The following BCAS3 variants were observed in gnomAD, a reference collection of about 807,000 sequenced individuals.
The protein encoded by BCAS3 is BCAS3 microtubule associated cell migration factor, also known as BCAS4/BCAS3 fusion.
A neutral mutation model predicts 116.1 loss-of-function variants in BCAS3; 53 were observed. That is an observed-to-expected ratio of 0.46 (90% CI 0.37 to 0.57). BCAS3 has a LOEUF of 0.57. BCAS3 is among the 20% of genes least tolerant of loss of function. The pLI is 0.00. For missense variants in BCAS3, 917 were observed against 1,165.4 expected (o/e 0.79, Z 3.10); for synonymous variants, 391 against 408.2 (o/e 0.96, Z 0.51).
intron 7 of BCAS3, among the ~76,000 whole-genome samples, chr17:60,830,806 A>G (rs9903588): frequency 0.22 from 33,080 of 151,060 alleles, 4,678 homozygotes; most frequent in African/African-American, 0.41. Context: ...TAAGGTATTT[A>G]TCACAACTAC....
intron 22 of BCAS3, among the ~76,000 whole-genome samples, chr17:61,115,905 G>A (rs1021122359): frequency 6.3e-4 from 96 of 151,874 alleles, no homozygotes; most frequent in Non-Finnish European, 1.2e-3. Flanking sequence ...GGAATACTAT[G>A]CAGCCATAAC....
intron 7 of BCAS3, among the ~76,000 whole-genome samples, chr17:60,836,635 G>A (rs1380374468): frequency 6.6e-6 from 1 of 152,018 alleles, no homozygotes; most frequent in African/African-American, 2.4e-5. Context: ...GAACTCTATT[G>A]TCATTGGCCT....
chr17:60,917,180 A>C (rs532968102), intron 12 of BCAS3, among the ~76,000 whole-genome samples: 1 of 152,374 alleles, frequency 6.6e-6, no homozygotes, highest in Admixed American at 6.5e-5. Flanking sequence ...ATTATTTAAC[A>C]ATATAAAATG....
Position 61,222,808 on chromosome 17 carries a change from GC to G in BCAS3, c.2425+138246del, listed in dbSNP as rs1160941911. Among the ~76,000 whole-genome samples the G allele has an allele frequency of 3.3e-5, 5 of 152,204 alleles. No homozygotes were observed. Among genetic ancestry groups the G allele is most frequent in the African/African-American group, 1.2e-4 (5 of 41,530 alleles). On this transcript the variant is annotated intron_variant, in intron 22 of 23. Transcript: ENST00000407086. This position sits in a 1 kb window ranked among gnomAD's most constrained non-coding sequence, Gnocchi z 6.1. The stretch of plus-strand genomic sequence containing the variant: ...GATTTTTGCTTTGAAGTTTCCTTTT[GC>G]CTCAGTCAGCTGCCTTGAATGAAAT...
In BCAS3 at chr17:61,376,610, G is replaced by T. The variant is rs768622399; in HGVS notation, c.2593+8116G>T. ...AAGCCTTACCTCTCCAACTTCCTGGGTCCCCTTCTCAAGATGCACAAGGGT... is the reference window on the plus strand; with the variant it reads ...AAGCCTTACCTCTCCAACTTCCTGGTTCCCCTTCTCAAGATGCACAAGGGT... On this transcript the variant is annotated intron_variant, in intron 23 of 23. Coordinates refer to ENST00000407086, the MANE Select transcript of BCAS3 (RefSeq NM_017679.5). The surrounding 1 kb of genome is among the most constrained non-coding windows in gnomAD (Gnocchi z 4.5). Among the ~76,000 whole-genome samples, 3 of 152,060 alleles carry T rather than the reference G, an allele frequency of 2.0e-5. No homozygotes were observed. The highest frequency in any genetic ancestry group is 2.9e-5 in the Non-Finnish European group (2 of 68,040).
At chr17:61,373,729 G>GCCTC (rs1555859905) in intron 23 of BCAS3, among the ~76,000 whole-genome samples, 1 of 142,004 alleles carries the variant, frequency 7.0e-6, no homozygotes, top group Non-Finnish European at 1.5e-5. Context: ...ACGATGCCCA[G>GCCTC]CCCCTGTTTA....
intron 14 of BCAS3, among the ~76,000 whole-genome samples, chr17:60,959,718 A>G (rs1344685101): frequency 6.6e-6 from 1 of 152,206 alleles, no homozygotes; most frequent in Non-Finnish European, 1.5e-5. Flanking sequence ...TGTGGTTACT[A>G]CAACAAATTG....
Position 61,357,366 on chromosome 17 carries a change from G to A in BCAS3, c.2426-10961G>A, listed in dbSNP as rs149602184. Among the ~76,000 whole-genome samples, 127 of 149,844 alleles carry A rather than the reference G, an allele frequency of 8.5e-4. 1 individual carries two copies. Among genetic ancestry groups the A allele is most frequent in the Admixed American group, 1.9e-3 (29 of 15,156 alleles). On this transcript the variant is annotated intron_variant, in intron 22 of 23. Transcript: ENST00000407086. Reference sequence around the variant, plus strand: ...GATTGCTTCAGCCCAAGAGTTCAAGGCTGCAGTAAGCTATGATTGCACCAC... The same window carrying A: ...GATTGCTTCAGCCCAAGAGTTCAAGACTGCAGTAAGCTATGATTGCACCAC...
Position 60,714,218 on chromosome 17 carries a change from G to A in BCAS3, c.321+4893G>A, listed in dbSNP as rs543285376. ...CCTGGCCTCAGGCAGTCCTCCTGCC[G>A]TGGCCTCCCAAACCACTGGGATTAC... is the stretch of plus-strand genomic sequence containing the variant. On this transcript the variant is annotated intron_variant, in intron 5 of 23. Transcript: ENST00000407086. Among the ~76,000 whole-genome samples the A allele has an allele frequency of 4.6e-5, 7 of 152,170 alleles. No individual in the cohort carries two copies. In the South Asian group the frequency reaches 1.5e-3, roughly 32 times the overall value.
intron 22 of BCAS3, among the ~76,000 whole-genome samples, chr17:61,100,935 A>G (rs1194700537): frequency 6.6e-6 from 1 of 152,180 alleles, no homozygotes; most frequent in African/African-American, 2.4e-5. Flanking sequence ...ACTGTCACAG[A>G]GCTAGTAGAT....
intron 22 of BCAS3, among the ~76,000 whole-genome samples, chr17:61,194,740 CAA>C (rs35551914): frequency 1.4e-4 from 17 of 122,864 alleles, no homozygotes; most frequent in Admixed American, 4.1e-4. Context: ...GACTCTGTCT[CAA>C]AAAAAAAAAA....
intron 22 of BCAS3, among the ~76,000 whole-genome samples, chr17:61,109,315 G>GTA (rs1555721006): frequency 3.3e-5 from 5 of 151,200 alleles, no homozygotes; most frequent in East Asian, 1.9e-4. Context: ...GTGTGTGTGT[G>GTA]TATACACGCC....
At chr17:60,720,290 A>G (rs905109626) in intron 5 of BCAS3, 3 of 152,000 alleles carry the variant, frequency 2.0e-5, no homozygotes, top group African/African-American at 7.2e-5. Context: ...ACCATGCCCA[A>G]CTGATTTTTG....
chr17:61,260,024 A>G (rs986770579), intron 22 of BCAS3, among the ~76,000 whole-genome samples: 2 of 152,212 alleles, frequency 1.3e-5, no homozygotes, highest in African/African-American at 4.8e-5. Flanking sequence ...GTAGGCATTA[A>G]GGTAGGTATT....
intron 8 of BCAS3, among the ~76,000 whole-genome samples, chr17:60,871,751 T>A (rs1186388009): frequency 6.6e-6 from 1 of 152,126 alleles, no homozygotes; most frequent in East Asian, 1.9e-4. Context: ...TAGGGGTAAT[T>A]ATCTATAATC....
At chr17:60,895,020 G>C (rs997687208) in intron 10 of BCAS3, among the ~76,000 whole-genome samples, 12 of 152,066 alleles carry the variant, frequency 7.9e-5, no homozygotes, top group African/African-American at 2.9e-4. Context: ...TTGGCCTATA[G>C]TTTTCTTTTT....
intron 22 of BCAS3, among the ~76,000 whole-genome samples, chr17:61,351,159 G>A (rs1479926701): frequency 3.3e-5 from 5 of 152,188 alleles, no homozygotes; most frequent in Admixed American, 3.3e-4. Flanking sequence ...TTTGTCCTTA[G>A]ATATCTTTGA....
chr17:61,294,293 G>A (rs1487077138), intron 22 of BCAS3, among the ~76,000 whole-genome samples: 1 of 152,132 alleles, frequency 6.6e-6, no homozygotes, highest in Non-Finnish European at 1.5e-5. Context: ...TGGTAGTACT[G>A]TGATGTCCCT....
rs115301709 is a variant in BCAS3 at position 61,062,727 on chromosome 17, A to G, written c.2030-12193A>G. On this transcript the variant is annotated intron_variant, in intron 19 of 23. Coordinates refer to ENST00000407086, the MANE Select transcript of BCAS3 (RefSeq NM_017679.5). ...TAAAGATATTTTTGTAAGCGATGAT[A>G]CTAGCCATTTAGTCCATCCTAAAAA... Among the ~76,000 whole-genome samples, 551 of 152,358 alleles carry G rather than the reference A, an allele frequency of 3.6e-3. 5 individuals carry two copies. Among genetic ancestry groups the G allele is most frequent in the African/African-American group, 0.013 (526 of 41,584 alleles).
Sources: allele counts gnomAD v4.1 joint callset (sites outside exome capture counted in the v4.1 genomes callset), GRCh38; gene constraint gnomAD v4.1.1; non-coding constraint Gnocchi (gnomAD v3.1); transcripts MANE v1.5; gene names NCBI Gene and HGNC (gene_info 2026-07-23, HGNC 2026-07-21).